TM9SF2: variants seen among roughly 807,000 people sequenced by gnomAD.
TM9SF2 encodes the protein 76 kDa membrane protein.
TM9SF2 carries 13 observed loss-of-function variants against 84.9 expected under a neutral mutation model. That is an observed-to-expected ratio of 0.15 (90% CI 0.10 to 0.24). TM9SF2 has a LOEUF of 0.24. Among genes scored for constraint, TM9SF2 ranks in the 10% least tolerant of loss-of-function variants. The pLI, the probability that TM9SF2 is intolerant of heterozygous loss-of-function variation, is 1.00. For synonymous variants in TM9SF2, 273 were observed against 285.8 expected (o/e 0.96, Z 0.45); for missense variants, 562 against 818.5 (o/e 0.69, Z 3.82).
At chr13:99,549,700 C>G (rs2046297791) in intron 12 of TM9SF2, among the ~76,000 whole-genome samples, 1 of 152,178 alleles carries the variant, frequency 6.6e-6, no homozygotes, top group Non-Finnish European at 1.5e-5. Context: ...AAATCCTTCA[C>G]TCTCTGGAAC....
chr13:99,533,745 G>C (rs1441397108), intron 4 of TM9SF2, among the ~76,000 whole-genome samples: 2 of 152,138 alleles, frequency 1.3e-5, no homozygotes, highest in Non-Finnish European at 2.9e-5. Context: ...TGCAACCTCA[G>C]CCTCCTGGGT....
At chr13:99,544,772 G>C (rs907145990) in intron 10 of TM9SF2, among the ~76,000 whole-genome samples, 1 of 152,206 alleles carries the variant, frequency 6.6e-6, no homozygotes, top group African/African-American at 2.4e-5. Context: ...TAGGGAAAGC[G>C]AGTGTGTAGG....
intron 5 of TM9SF2, 132 bp downstream of exon 5, chr13:99,536,869 C>CAG: frequency 3.2e-6 from 3 of 930,012 alleles, no homozygotes; most frequent in Non-Finnish European, 4.7e-6. Context: ...ACAACTACTT[C>CAG]AATCTTAAAC....
At chr13:99,503,762 A>G (rs2046077437) in intron 1 of TM9SF2, among the ~76,000 whole-genome samples, 3 of 151,086 alleles carry the variant, frequency 2.0e-5, no homozygotes, top group Admixed American at 2.0e-4. Context: ...AGATGGACTT[A>G]GAAAATGAAT....
chr13:99,519,733 T>C (rs1014123018), intron 2 of TM9SF2: 5 of 195,686 alleles, frequency 2.6e-5, no homozygotes, highest in African/African-American at 4.7e-5. Context: ...AATAAGGATC[T>C]AAATAATTTT....
intron 11 of TM9SF2, among the ~76,000 whole-genome samples, chr13:99,547,426 T>A (rs2046287387): frequency 6.6e-6 from 1 of 152,184 alleles, no homozygotes; most frequent in Admixed American, 6.6e-5. Flanking sequence ...ACATATAGAC[T>A]AATAAAGGAG....
At chr13:99,533,934 G>A (rs1055202934) in intron 4 of TM9SF2, among the ~76,000 whole-genome samples, 4 of 152,226 alleles carry the variant, frequency 2.6e-5, no homozygotes, top group Non-Finnish European at 5.9e-5. Flanking sequence ...CTCCCAAAGT[G>A]CTGGGATTAC....
Position 99,540,704 on chromosome 13 carries a change from T to C in TM9SF2, c.829-10T>C. ...ATGTTTACTTAAAGAGATTTTTTAA[T>C]CTCCTCTAGGAAGATGATAAGATCA... On this transcript the variant is annotated splice_polypyrimidine_tract_variant and intron_variant, in intron 7 of 16. Coordinates refer to ENST00000376387, the MANE Select transcript of TM9SF2 (RefSeq NM_004800.3). 6.2e-7 allele frequency: 1 copy of C among 1,605,430 alleles called. No homozygotes were observed. Among genetic ancestry groups the C allele is most frequent in the East Asian group, 2.2e-5 (1 of 44,748 alleles).
In TM9SF2 at chr13:99,536,724, C is replaced by A. The variant is rs1348906791; in HGVS notation, c.578C>A (p.Ala193Asp). The A allele has an allele frequency of 6.2e-7, 1 of 1,613,242 alleles. No individual in the cohort carries two copies. Among genetic ancestry groups the A allele is most frequent in the Non-Finnish European group, 8.5e-7 (1 of 1,179,494 alleles). ...YITDKGHAKD[A>D]CVISSDFHER... ...ACAGATAAAGGCCATGCAAAAGATG[C>A]CTGTGTTATTAGTGTAAGTTCATGA... Residue 193 changes from alanine to aspartate, a missense_variant, in exon 5 of 17, where the codon GCC becomes GAC. This residue lies in a region of TM9SF2 where 267 missense variants were observed against 316.7 expected (regional missense o/e 0.84). Coordinates refer to ENST00000376387, the MANE Select transcript of TM9SF2 (RefSeq NM_004800.3).
intron 1 of TM9SF2, among the ~76,000 whole-genome samples, chr13:99,516,267 G>A (rs1018726105): frequency 2.6e-5 from 4 of 152,160 alleles, no homozygotes; most frequent in East Asian, 1.9e-4. Context: ...TACACCAACC[G>A]TCTCGTCTTG....
At chr13:99,529,143 A>T (rs1244637294) in intron 3 of TM9SF2, among the ~76,000 whole-genome samples, 1 of 152,214 alleles carries the variant, frequency 6.6e-6, no homozygotes, top group African/African-American at 2.4e-5. Flanking sequence ...ATGGGATATT[A>T]CTAGGAGAGA....
chr13:99,559,720 G>C (rs1312818276), intron 16 of TM9SF2, among the ~76,000 whole-genome samples, 186 bp downstream of exon 16: 1 of 152,136 alleles, frequency 6.6e-6, no homozygotes, highest in Non-Finnish European at 1.5e-5. Context: ...TGAAACAGAA[G>C]CTGGGGAAGA....
chr13:99,543,629 T>C (rs370679618), intron 9 of TM9SF2, among the ~76,000 whole-genome samples: 1 of 152,220 alleles, frequency 6.6e-6, no homozygotes, highest in Non-Finnish European at 1.5e-5. Context: ...TCAATAAGTA[T>C]ATTTGTAGAC....
chr13:99,532,346 G>A (rs187664970), intron 4 of TM9SF2, among the ~76,000 whole-genome samples: 12 of 152,096 alleles, frequency 7.9e-5, no homozygotes, highest in East Asian at 5.8e-4. Flanking sequence ...CACCGCGCCC[G>A]GCCTTGTGGG....
At chr13:99,548,686 C>T (rs144613542) in intron 11 of TM9SF2, among the ~76,000 whole-genome samples, 94 of 152,276 alleles carry the variant, frequency 6.2e-4, no homozygotes, top group African/African-American at 2.0e-3. Context: ...ATCTGACACA[C>T]GCACCTCCTA....
chr13:99,543,736 G>A (rs2046270459), intron 9 of TM9SF2, 127 bp from the exon 10 acceptor site: 1 of 1,192,050 alleles, frequency 8.4e-7, no homozygotes, highest in Admixed American at 2.4e-5. Flanking sequence ...AATTGAAATA[G>A]GTACTAACAT....
rs913262939 is a variant in TM9SF2 at position 99,523,852 on chromosome 13, G to A, written c.333+3723G>A. Among the ~76,000 whole-genome samples, 6 of 152,160 alleles carry A rather than the reference G, an allele frequency of 3.9e-5. No individual in the cohort carries two copies. In the South Asian group the frequency reaches 6.2e-4, roughly 16 times the overall value. ...GAAAATAAATCTGTGAAGGTGTGTG[G>A]GGAATTTCTAATTTTAAATAGGCTT... is the stretch of plus-strand genomic sequence containing the variant. On this transcript the variant is annotated intron_variant, in intron 3 of 16. Transcript: ENST00000376387.
At chr13:99,514,170 G>A (rs958152709) in intron 1 of TM9SF2, 1 of 152,182 alleles carries the variant, frequency 6.6e-6, no homozygotes, top group African/African-American at 2.4e-5. Flanking sequence ...ACATCACAGT[G>A]TAATTACCTT....
At chr13:99,548,793 G>A (rs147910105) in intron 11 of TM9SF2, among the ~76,000 whole-genome samples, 14 of 152,306 alleles carry the variant, frequency 9.2e-5, no homozygotes, top group Admixed American at 2.6e-4. Context: ...ACGGTTCCCA[G>A]TTTTATAACA....
Sources: allele counts gnomAD v4.1 joint callset (sites outside exome capture counted in the v4.1 genomes callset), GRCh38; gene constraint gnomAD v4.1.1; regional missense constraint gnomAD v4.1.1; transcripts MANE v1.5; gene names NCBI Gene and HGNC (gene_info 2026-07-23, HGNC 2026-07-21).